ACTN1: variants seen among roughly 807,000 people sequenced by gnomAD.
ACTN1 encodes the protein actinin alpha 1.
A neutral mutation model predicts 119.6 loss-of-function variants in ACTN1; 30 were observed. The ratio of observed to expected loss-of-function variants is 0.25; its 90% CI spans 0.19 to 0.34. ACTN1 has a LOEUF of 0.34. ACTN1 is among the 10% of genes least tolerant of loss of function. The probability of loss-of-function intolerance (pLI) is 1.00; values close to 1 mark genes in which losing one functional copy is unlikely to be tolerated. For synonymous variants in ACTN1, 429 were observed against 472.6 expected (o/e 0.91, Z 1.20); for missense variants, 764 against 1,223.4 (o/e 0.62, Z 5.60).
chr14:68,934,120 A>G (rs1241347531), intron 1 of ACTN1, among the ~76,000 whole-genome samples: 2 of 152,254 alleles, frequency 1.3e-5, no homozygotes, highest in Non-Finnish European at 2.9e-5. Context: ...ATGGGTCTTT[A>G]GTTTCACAAT....
In ACTN1 at chr14:68,925,632, C is replaced by G; in HGVS notation, c.146G>C (p.Gly49Ala). 1.2e-6 allele frequency: 2 copies of G among 1,613,250 alleles called. No individual in the cohort carries two copies. Among genetic ancestry groups the G allele is most frequent in the Non-Finnish European group, 1.7e-6 (2 of 1,179,584 alleles). Residue 49 changes from glycine (G) to alanine (A), a missense_variant, in exon 2 of 22, where the codon GGG becomes GCG. By Grantham distance (60) the Gly-to-Ala change is moderately conservative. Around this residue, in one of 4 missense-constraint regions of ACTN1, gnomAD observed 64 missense variants for 80.0 expected, o/e 0.80. Coordinates refer to ENST00000394419, the MANE Select transcript of ACTN1 (RefSeq NM_001130004.2). The surrounding 1 kb of genome is among the most constrained non-coding windows in gnomAD (Gnocchi z 4.3). ...AWCNSHLRKA[G>A]TQIENIEEDF... ...CTCTTCGATGTTCTCGATCTGTGTCCCCGCCTTCCGGAGGTGGGAGTTACA... is the reference window on the plus strand; with the variant it reads ...CTCTTCGATGTTCTCGATCTGTGTCGCCGCCTTCCGGAGGTGGGAGTTACA...
chr14:68,881,117 G>C lies in ACTN1; in HGVS notation c.1954-128C>G, dbSNP rs921928455. On this transcript the variant is annotated intron_variant, in intron 16 of 21. Transcript: ENST00000394419. Reference sequence around the variant, plus strand: ...TCAGTTCCCATCCCAGCCCTAAGGAGGCCATCACTGGTAATTAGTAAGACA... The same window carrying C: ...TCAGTTCCCATCCCAGCCCTAAGGACGCCATCACTGGTAATTAGTAAGACA... 1.2e-5 allele frequency: 10 copies of C among 823,494 alleles called. No homozygotes were observed. The African/African-American group carries it at 1.7e-4, about 14-fold the overall frequency. 51.0% of individuals were successfully genotyped at this position (823,494 alleles called of 1,614,324 possible).
At chr14:68,950,462 G>GTGTGTATATATGTGTGTGTGTATA in intron 1 of ACTN1, among the ~76,000 whole-genome samples, 5 of 125,908 alleles carry the variant, frequency 4.0e-5, no homozygotes, top group African/African-American at 2.1e-4. Context: ...ATGCGTGTGT[G>GTGTGTATATATGTGTGTGTGTATA]TATATATATA....
chr14:68,967,612 C>G (rs2036748045), intron 1 of ACTN1, among the ~76,000 whole-genome samples: 1 of 152,204 alleles, frequency 6.6e-6, no homozygotes, highest in Admixed American at 6.5e-5. Flanking sequence ...TGAAGGCAGG[C>G]AGGCTGCCAC....
chr14:68,961,841 C>T (rs555987057), intron 1 of ACTN1, among the ~76,000 whole-genome samples: 1 of 152,326 alleles, frequency 6.6e-6, no homozygotes, highest in Admixed American at 6.5e-5. Flanking sequence ...CCTCCAGCAC[C>T]AGATCAGAAG....
At chr14:68,881,056 G>T in intron 16 of ACTN1, 67 bp from the exon 17 acceptor site, 1 of 1,515,362 alleles carries the variant, frequency 6.6e-7, no homozygotes. Context: ...GGGGACTGGG[G>T]CCTCCAAAAT....
chr14:68,922,692 T>C (rs2034714296), intron 2 of ACTN1, among the ~76,000 whole-genome samples: 1 of 152,158 alleles, frequency 6.6e-6, no homozygotes, highest in South Asian at 2.1e-4. Context: ...TTCCCAGGCC[T>C]GGGCCAGTGG....
Position 68,874,849 on chromosome 14 carries a change from G to A in ACTN1, c.*10C>T. On this transcript the variant is annotated 3_prime_UTR_variant, in exon 22 of 22. Coordinates refer to ENST00000394419, the MANE Select transcript of ACTN1 (RefSeq NM_001130004.2). ...CGGCGCACAAGACGAGGGCGGCCGG[G>A]CGGGGTGGATTAGAGGTCACTCTCG... 3 of 1,563,040 alleles carry A rather than the reference G, an allele frequency of 1.9e-6. No homozygotes were observed. Among genetic ancestry groups the A allele is most frequent in the South Asian group, 1.2e-5 (1 of 85,024 alleles).
At chr14:68,915,541 T>G (rs1415672682) in intron 3 of ACTN1, among the ~76,000 whole-genome samples, 1 of 152,238 alleles carries the variant, frequency 6.6e-6, no homozygotes, top group East Asian at 1.9e-4. Flanking sequence ...GAGTTCAGTA[T>G]GAAGCCTGGC....
intron 13 of ACTN1, 78 bp from the exon 14 acceptor site, chr14:68,884,386 T>G: frequency 6.6e-7 from 1 of 1,511,266 alleles, no homozygotes; most frequent in Non-Finnish European, 9.0e-7. Flanking sequence ...ATCCTCCTGG[T>G]GAGCCCCAGG....
intron 16 of ACTN1, 65 bp from the exon 17 acceptor site, chr14:68,881,054 G>A (rs2031464141): frequency 6.5e-7 from 1 of 1,527,298 alleles, no homozygotes; most frequent in Middle Eastern, 2.0e-4. Flanking sequence ...GTGGGGACTG[G>A]GGCCTCCAAA....
chr14:68,974,705 G>C (rs28561965), intron 1 of ACTN1, among the ~76,000 whole-genome samples: 15,601 of 152,218 alleles, frequency 0.1, 894 homozygotes, highest in Non-Finnish European at 0.12. Flanking sequence ...CATCTTTCTG[G>C]TTCCCTCTCT....
At position 68,879,902 on chromosome 14, in the gene ACTN1, C is replaced by G; in HGVS notation, c.2280+60G>C. On this transcript the variant is annotated intron_variant, in intron 18 of 21. Coordinates refer to ENST00000394419, the MANE Select transcript of ACTN1 (RefSeq NM_001130004.2). The surrounding 1 kb of genome is among the most constrained non-coding windows in gnomAD (Gnocchi z 4.9). The stretch of plus-strand genomic sequence containing the variant: ...AGCCCACGTCCCGGGGAAGTGCCCT[C>G]CAGGGCCCTGGGGCAGGGGTTGGGG... The G allele has an allele frequency of 6.3e-7, 1 of 1,589,586 alleles. No individual in the cohort carries two copies. Among genetic ancestry groups the G allele is most frequent in the East Asian group, 2.2e-5 (1 of 44,502 alleles).
At chr14:68,954,870 C>T (rs2036300397) in intron 1 of ACTN1, among the ~76,000 whole-genome samples, 1 of 152,192 alleles carries the variant, frequency 6.6e-6, no homozygotes, top group Non-Finnish European at 1.5e-5. Flanking sequence ...AATTGTTCCT[C>T]AGCTAAGTTG....
At chr14:68,886,575 G>A (rs1307940834) in intron 11 of ACTN1, 1 of 152,160 alleles carries the variant, frequency 6.6e-6, no homozygotes, top group Non-Finnish European at 1.5e-5. Context: ...GGCAGATCAC[G>A]AGGTCATCAG....
intron 8 of ACTN1, among the ~76,000 whole-genome samples, chr14:68,901,216 T>G (rs10220400): frequency 0.13 from 18,501 of 140,470 alleles, 1,411 homozygotes; most frequent in African/African-American, 0.18. Flanking sequence ...GGTTTTTTTT[T>G]GTTTTTTTTT....
Position 68,979,164 on chromosome 14 carries a change from CG to C in ACTN1, c.-109del. The C allele has an allele frequency of 2.5e-6, 1 of 393,904 alleles. No individual in the cohort carries two copies. 24.4% of individuals were successfully genotyped at this position (393,904 alleles called of 1,614,324 possible). ...GTAGGGCTGGGCTGGGCTGGGCTGG[CG>C]GGGCCGGGCTCGCTCCCCTGCGCCC... On this transcript the variant is annotated 5_prime_UTR_variant, in exon 1 of 22. Coordinates refer to ENST00000394419, the MANE Select transcript of ACTN1 (RefSeq NM_001130004.2).
intron 1 of ACTN1, among the ~76,000 whole-genome samples, chr14:68,966,824 C>A (rs942345018): frequency 2.0e-5 from 3 of 152,146 alleles, no homozygotes; most frequent in African/African-American, 7.2e-5. Flanking sequence ...GTCCACAAAC[C>A]CACACAAAAG....
At chr14:68,932,259 A>G (rs2035255316) in intron 1 of ACTN1, among the ~76,000 whole-genome samples, 1 of 151,298 alleles carries the variant, frequency 6.6e-6, no homozygotes, top group Non-Finnish European at 1.5e-5. Context: ...AGAACGTGAA[A>G]AGACTAGACT....
Sources: allele counts gnomAD v4.1 joint callset (sites outside exome capture counted in the v4.1 genomes callset), GRCh38; gene constraint gnomAD v4.1.1; regional missense constraint gnomAD v4.1.1; non-coding constraint Gnocchi (gnomAD v3.1); transcripts MANE v1.5; gene names NCBI Gene and HGNC (gene_info 2026-07-23, HGNC 2026-07-21).